ZNF804B: variants seen among roughly 807,000 people sequenced by gnomAD.
ZNF804B encodes zinc finger protein 804B, also known as zinc finger 804B.
ZNF804B carries 80 observed loss-of-function variants against 101.4 expected under a neutral mutation model. The ratio of observed to expected loss-of-function variants is 0.79; its 90% CI spans 0.66 to 0.95. The LOEUF (loss-of-function observed/expected upper bound fraction) is 0.95. Ranked by LOEUF, ZNF804B falls within the 40% of genes least tolerant of loss-of-function variation. The probability of loss-of-function intolerance (pLI) is 0.00; values close to 1 mark genes in which losing one functional copy is unlikely to be tolerated. For missense variants in ZNF804B, 1,673 were observed against 1,561.9 expected, an observed-to-expected ratio of 1.07 and a Z score of -1.20; for synonymous variants, 622 against 558.8, an observed-to-expected ratio of 1.11 and a Z score of -1.59.
chr7:89,017,104 A>T (rs1788577852), intron 1 of ZNF804B, among the ~76,000 whole-genome samples: 1 of 152,196 alleles, frequency 6.6e-6, no homozygotes, highest in Admixed American at 6.5e-5. Flanking sequence ...AGCAATTGTG[A>T]ATGGGAGTTC....
At chr7:88,965,279 G>C (rs936408521) in intron 1 of ZNF804B, among the ~76,000 whole-genome samples, 1 of 151,352 alleles carries the variant, frequency 6.6e-6, no homozygotes, top group African/African-American at 2.4e-5. Flanking sequence ...CTTGCAGAGA[G>C]AATAGGTTAA....
At chr7:89,235,244 A>G (rs1330137509) in intron 2 of ZNF804B, among the ~76,000 whole-genome samples, 1 of 152,212 alleles carries the variant, frequency 6.6e-6, no homozygotes, top group Non-Finnish European at 1.5e-5. Flanking sequence ...TTCCAGAGAA[A>G]TATAGAAATA....
intron 1 of ZNF804B, among the ~76,000 whole-genome samples, chr7:89,083,353 T>G (rs1789725551): frequency 6.6e-6 from 1 of 151,848 alleles, no homozygotes; most frequent in African/African-American, 2.4e-5. Flanking sequence ...ATGTTTATAA[T>G]CATATCTGTT....
chr7:88,819,145 A>G (rs1420283400), intron 1 of ZNF804B, among the ~76,000 whole-genome samples: 1 of 152,032 alleles, frequency 6.6e-6, no homozygotes, highest in East Asian at 1.9e-4. Flanking sequence ...GTTTTTTGAG[A>G]CAAAGTCTCT....
At chr7:89,096,405 G>A (rs1226852558) in intron 1 of ZNF804B, among the ~76,000 whole-genome samples, 6 of 152,064 alleles carry the variant, frequency 3.9e-5, no homozygotes, top group Admixed American at 3.3e-4. Context: ...GGAACCAGGT[G>A]GAAGAGTTGA....
At chr7:89,224,210 C>A (rs992950197) in intron 2 of ZNF804B, among the ~76,000 whole-genome samples, 3 of 152,016 alleles carry the variant, frequency 2.0e-5, no homozygotes, top group Non-Finnish European at 4.4e-5. Flanking sequence ...AACAAATCCA[C>A]TTTGAAACCC....
At chr7:88,877,025 TAATATATATATATATA>T (rs1791956184) in intron 1 of ZNF804B, among the ~76,000 whole-genome samples, 2 of 59,268 alleles carry the variant, frequency 3.4e-5, no homozygotes, top group Non-Finnish European at 5.3e-5. Context: ...TATATATATA[TAATATATATATATATA>T]TATATATATT....
At chr7:89,315,133 T>G (rs535486644) in intron 2 of ZNF804B, among the ~76,000 whole-genome samples, 25 of 152,170 alleles carry the variant, frequency 1.6e-4, no homozygotes, top group African/African-American at 6.0e-4. Context: ...GGAGCAGGCA[T>G]GTCACATGGT....
intron 3 of ZNF804B, among the ~76,000 whole-genome samples, chr7:89,332,085 G>T (rs1209003208): frequency 1.3e-5 from 2 of 151,142 alleles, no homozygotes; most frequent in Admixed American, 6.6e-5. Context: ...CACTTTATAA[G>T]AAGGGAAAAG....
chr7:88,932,000 T>C (rs1792893824), intron 1 of ZNF804B, among the ~76,000 whole-genome samples: 1 of 144,466 alleles, frequency 6.9e-6, no homozygotes, highest in Admixed American at 6.8e-5. Context: ...CAGAGGCCTC[T>C]GTAAAAAAAA....
chr7:89,152,239 C>G (rs1252599193), intron 1 of ZNF804B, among the ~76,000 whole-genome samples: 1 of 145,290 alleles, frequency 6.9e-6, no homozygotes, highest in African/African-American at 2.5e-5. Context: ...TTTCAGACTA[C>G]TGCATGGTTT....
chr7:88,829,146 G>A (rs1791093263), intron 1 of ZNF804B, among the ~76,000 whole-genome samples: 1 of 152,072 alleles, frequency 6.6e-6, no homozygotes, highest in Non-Finnish European at 1.5e-5. Flanking sequence ...GTGCACTGGT[G>A]CCATCATAGC....
At chr7:88,795,556 T>C (rs999540185) in intron 1 of ZNF804B, 3 of 152,174 alleles carry the variant, frequency 2.0e-5, no homozygotes, top group African/African-American at 7.2e-5. Context: ...TTTTTGTTGT[T>C]GTAAGGGCTA....
intron 1 of ZNF804B, among the ~76,000 whole-genome samples, chr7:88,786,732 T>C (rs181611056): frequency 6.6e-6 from 1 of 152,108 alleles, no homozygotes; most frequent in Non-Finnish European, 1.5e-5. Flanking sequence ...TGCTTGATAA[T>C]TCCAACAAAA....
chr7:89,010,767 T>G (rs1271233536), intron 1 of ZNF804B, among the ~76,000 whole-genome samples: 1 of 152,204 alleles, frequency 6.6e-6, no homozygotes, highest in African/African-American at 2.4e-5. Context: ...AAACATTATT[T>G]TGTGTTTCAA....
intron 2 of ZNF804B, among the ~76,000 whole-genome samples, chr7:89,233,179 G>C (rs200996942): frequency 1.3e-5 from 2 of 152,160 alleles, no homozygotes; most frequent in Admixed American, 1.3e-4. Context: ...ATCCGCCTCG[G>C]CCTCCCAGAG....
At chr7:88,967,220 C>T (rs990378004) in intron 1 of ZNF804B, among the ~76,000 whole-genome samples, 24 of 121,626 alleles carry the variant, frequency 2.0e-4, no homozygotes, top group African/African-American at 6.1e-4. Context: ...GTTCCACAGG[C>T]TGTACAGCTG....
chr7:88,903,138 C>G (rs748858045), intron 1 of ZNF804B, among the ~76,000 whole-genome samples: 19 of 150,364 alleles, frequency 1.3e-4, no homozygotes, highest in Non-Finnish European at 2.7e-4. Flanking sequence ...TTAATTGATT[C>G]CATCTTTACG....
intron 1 of ZNF804B, among the ~76,000 whole-genome samples, chr7:89,045,998 A>G (rs1399825511): frequency 1.3e-5 from 2 of 151,994 alleles, no homozygotes; most frequent in Non-Finnish European, 2.9e-5. Context: ...AGTTCCCATA[A>G]TCCCCAGGTT....
Sources: allele counts gnomAD v4.1 joint callset (sites outside exome capture counted in the v4.1 genomes callset), GRCh38; gene constraint gnomAD v4.1.1; transcripts MANE v1.5; gene names NCBI Gene and HGNC (gene_info 2026-07-23, HGNC 2026-07-21).